Variants in FAM20A observed in about 807,000 individuals in gnomAD.
The protein encoded by FAM20A is FAM20A golgi associated secretory pathway pseudokinase.
Under a neutral mutation model 52.0 loss-of-function variants are expected in FAM20A, and 42 were observed. The ratio of observed to expected loss-of-function variants is 0.81; its 90% CI spans 0.63 to 1.04. FAM20A has a LOEUF of 1.04. FAM20A is among the 50% of genes least tolerant of loss of function. The probability of loss-of-function intolerance (pLI) is 0.00; values close to 1 mark genes in which losing one functional copy is unlikely to be tolerated. For synonymous variants in FAM20A, 304 were observed against 298.9 expected, an observed-to-expected ratio of 1.02 and a Z score of -0.18; for missense variants, 742 against 712.7, an observed-to-expected ratio of 1.04 and a Z score of -0.47.
chr17:68,575,577 ATATTC>A (rs550143442), intron 1 of FAM20A, among the ~76,000 whole-genome samples: 9,789 of 98,356 alleles, frequency 0.1, 621 homozygotes, highest in Non-Finnish European at 0.14. Context: ...ATTATATAAT[ATATTC>A]TATATTTTAT....
chr17:68,547,933 G>A (rs192633437), intron 4 of FAM20A, among the ~76,000 whole-genome samples: 3 of 152,200 alleles, frequency 2.0e-5, no homozygotes, highest in Non-Finnish European at 2.9e-5. Context: ...ATAATTTCTC[G>A]CTTCCCATTT....
chr17:68,537,696 A>G lies in FAM20A; in HGVS notation c.1407T>C (p.Ala469=), dbSNP rs2143441952. 6.2e-7 allele frequency: 1 copy of G among 1,613,672 alleles called. No homozygotes were observed. Among genetic ancestry groups the G allele is most frequent in the Non-Finnish European group, 8.5e-7 (1 of 1,179,830 alleles). ...TLLHLQLLAQ[A]DYRLSDVMRE... The stretch of plus-strand genomic sequence containing the variant: ...GCATCACATCGCTGAGTCTGTAGTC[A>G]GCTTGGGCCAGCAGCTGCAGGTGCA... The change falls in exon 11 of 11, where the codon GCT becomes GCC. Residue 469 remains alanine, a synonymous_variant. Transcript: ENST00000592554. This position sits in a 1 kb window ranked among gnomAD's most constrained non-coding sequence, Gnocchi z 4.2.
chr17:68,599,170 T>C (rs536265876), intron 1 of FAM20A, among the ~76,000 whole-genome samples: 6 of 152,288 alleles, frequency 3.9e-5, no homozygotes, highest in Non-Finnish European at 7.4e-5. Flanking sequence ...AACAGTTAAA[T>C]TGGCCCAGCT....
chr17:68,546,168 CAAAAAAAAAAAAAA>C, intron 4 of FAM20A, among the ~76,000 whole-genome samples: 2 of 98,904 alleles, frequency 2.0e-5, no homozygotes, highest in South Asian at 3.5e-4. Flanking sequence ...GACTCCATCT[CAAAAAAAAAAAAAA>C]AAAAAAAAAA....
At chr17:68,571,121 G>A (rs557604563) in intron 1 of FAM20A, among the ~76,000 whole-genome samples, 3 of 152,144 alleles carry the variant, frequency 2.0e-5, no homozygotes, top group Admixed American at 6.5e-5. Flanking sequence ...TGAGAAAGGG[G>A]CTGTCAGCAC....
intron 1 of FAM20A, among the ~76,000 whole-genome samples, chr17:68,564,835 G>C (rs1397617926): frequency 6.6e-6 from 1 of 152,098 alleles, no homozygotes; most frequent in African/African-American, 2.4e-5. Flanking sequence ...TCTGCACCCT[G>C]TTTTCTTCTG....
chr17:68,579,827 C>T (rs868868860), intron 1 of FAM20A, among the ~76,000 whole-genome samples: 2 of 152,228 alleles, frequency 1.3e-5, no homozygotes, highest in African/African-American at 4.8e-5. Context: ...TGGGAAGCGA[C>T]GCAGATCACA....
chr17:68,552,546 C>G (rs2143673204), intron 3 of FAM20A, among the ~76,000 whole-genome samples: 1 of 152,236 alleles, frequency 6.6e-6, no homozygotes, highest in East Asian at 1.9e-4. Context: ...TTCTCTTACC[C>G]TCTCCCTGGT....
Position 68,600,343 on chromosome 17 carries a change from A to C in FAM20A, c.324T>G (p.Pro108=), listed in dbSNP as rs546619673. The C allele has an allele frequency of 4.4e-6, 7 of 1,598,688 alleles. No homozygotes were observed. In the African/African-American group the frequency reaches 6.7e-5, roughly 15 times the overall value. The stretch of plus-strand genomic sequence containing the variant: ...GGAGCGAGTCCTCGGCTCCCAGGAG[A>C]GGCGGCTCCTCCGGGACGTTGTACA... ...HPLYNVPEEP[P]LLGAEDSLLA... is the part of the protein sequence containing the mutation. The change falls in exon 1 of 11, where the codon CCT becomes CCG. Residue 108 remains proline, a synonymous_variant. Coordinates refer to ENST00000592554, the MANE Select transcript of FAM20A (RefSeq NM_017565.4). This position sits in a 1 kb window ranked among gnomAD's most constrained non-coding sequence, Gnocchi z 6.2.
Position 68,540,921 on chromosome 17 carries a change from GT to G in FAM20A, c.1146del (p.Lys382AsnfsTer24). ...TGGCTGTTGTTGTACGGGTAGATCT[GT>G]TTCACTGTGTCACAGTAAAGGGGAT... ...EVNPLYCDTV[K>X]QIYPYNNSQR... On this transcript the variant is annotated frameshift_variant, in exon 8 of 11. Transcript: ENST00000592554. LOFTEE classifies it high-confidence loss of function. 1 of 1,600,836 alleles carries G rather than the reference GT, an allele frequency of 6.2e-7. No homozygotes were observed. Among genetic ancestry groups the G allele is most frequent in the Non-Finnish European group, 8.5e-7 (1 of 1,173,410 alleles).
At chr17:68,592,872 GCTTT>G (rs1242626957) in intron 1 of FAM20A, among the ~76,000 whole-genome samples, 1 of 152,174 alleles carries the variant, frequency 6.6e-6, no homozygotes, top group Non-Finnish European at 1.5e-5. Context: ...AATAAAACAG[GCTTT>G]TCCCTGGGAC....
chr17:68,587,533 TAGG>T (rs2088195108), intron 1 of FAM20A, among the ~76,000 whole-genome samples: 1 of 152,208 alleles, frequency 6.6e-6, no homozygotes, highest in Admixed American at 6.5e-5. Flanking sequence ...GTTCAGCCTC[TAGG>T]AGGTGTCACT....
chr17:68,560,507 A>C (rs2087184275), intron 1 of FAM20A, among the ~76,000 whole-genome samples: 1 of 152,068 alleles, frequency 6.6e-6, no homozygotes, highest in African/African-American at 2.4e-5. Flanking sequence ...GCAAGAAATA[A>C]ATTTCTTTTG....
chr17:68,597,798 T>C lies in FAM20A; in HGVS notation c.404+2465A>G, dbSNP rs530241178. ...GGTCCTTCATTGTTTCTTCCTCTGC[T>C]GTCCATTCTATTTATTTGTCTGCTG... On this transcript the variant is annotated intron_variant, in intron 1 of 10. Transcript: ENST00000592554. 3.5e-4 allele frequency among the ~76,000 whole-genome samples: 53 copies of C among 152,304 alleles called. No individual in the cohort carries two copies. The South Asian group carries it at 5.4e-3, about 15-fold the overall frequency.
At chr17:68,548,422 T>C (rs2086668405) in intron 4 of FAM20A, among the ~76,000 whole-genome samples, 1 of 151,938 alleles carries the variant, frequency 6.6e-6, no homozygotes, top group Admixed American at 6.5e-5. Context: ...CCCAGCTATT[T>C]GGAAGGCTGA....
intron 1 of FAM20A, among the ~76,000 whole-genome samples, chr17:68,560,626 G>A (rs768409789): frequency 6.6e-6 from 1 of 152,202 alleles, no homozygotes; most frequent in Non-Finnish European, 1.5e-5. Flanking sequence ...TATGCCGAGC[G>A]ATGCTGGGAC....
chr17:68,540,349 T>G (rs1308289070), intron 8 of FAM20A, among the ~76,000 whole-genome samples: 1 of 152,214 alleles, frequency 6.6e-6, no homozygotes, highest in East Asian at 1.9e-4. Context: ...ACAGCTAAAC[T>G]TCCTGAAAGG....
In FAM20A at chr17:68,551,819, A is replaced by G; in HGVS notation, c.719+54T>C. On this transcript the variant is annotated intron_variant, in intron 4 of 10. Coordinates refer to ENST00000592554, the MANE Select transcript of FAM20A (RefSeq NM_017565.4). ...TCACTTTTATTAGTTTTTGGTCCAA[A>G]TCTTCCCAGGGCCACCCCAACTGGG... 4.4e-6 allele frequency: 6 copies of G among 1,372,222 alleles called. No individual in the cohort carries two copies. The South Asian group carries it at 6.2e-5, about 14-fold the overall frequency. The allele number at this position is 1,372,222 out of a possible 1,614,324, so 85.0% of individuals were successfully genotyped here. A position where few individuals can be genotyped will look rare whatever the true frequency, so the allele number is the denominator to read the frequency against.
intron 4 of FAM20A, among the ~76,000 whole-genome samples, chr17:68,545,596 G>T (rs185724442): frequency 3.3e-4 from 51 of 152,332 alleles, no homozygotes; most frequent in African/African-American, 1.2e-3. Flanking sequence ...GAAGGTTGGT[G>T]AGGCTGTGGC....
Sources: gnomAD v4.1 joint callset for allele counts (sites outside exome capture counted in the v4.1 genomes callset) on GRCh38, gnomAD v4.1.1 for gene constraint, Gnocchi (gnomAD v3.1) non-coding constraint, MANE v1.5 for transcripts, NCBI Gene and HGNC (gene_info 2026-07-23, HGNC 2026-07-21) for gene names.